Variants in JPH3 observed in about 807,000 individuals in gnomAD.
JPH3 encodes junctophilin 3.
Under a neutral mutation model 59.6 loss-of-function variants are expected in JPH3, and 11 were observed. That is an observed-to-expected ratio of 0.18 (90% CI 0.12 to 0.31). JPH3 has a LOEUF of 0.31. Among genes scored for constraint, JPH3 ranks in the 10% least tolerant of loss-of-function variants. JPH3 has a pLI of 1.00. For missense variants in JPH3, 1,202 were observed against 1,105.7 expected (o/e 1.09, Z -1.24); for synonymous variants, 673 against 483.6 (o/e 1.39, Z -5.14).
intron 1 of JPH3, among the ~76,000 whole-genome samples, chr16:87,612,180 AGT>A (rs1040136560): frequency 6.6e-6 from 1 of 152,036 alleles, no homozygotes; most frequent in Non-Finnish European, 1.5e-5. Flanking sequence ...GGCGTGCAAT[AGT>A]GTGTGATCGT....
chr16:87,688,275 C>G (rs952327513), intron 3 of JPH3, among the ~76,000 whole-genome samples: 1 of 152,208 alleles, frequency 6.6e-6, no homozygotes, highest in Admixed American at 6.5e-5. Flanking sequence ...GCCCCAAGCC[C>G]CAGGCCAGGG....
intron 4 of JPH3, chr16:87,694,273 C>T (rs1044625267): frequency 2.0e-5 from 3 of 152,304 alleles, no homozygotes; most frequent in African/African-American, 4.8e-5. Context: ...TGTTTTGGGC[C>T]ACGTGCTCAA....
intron 2 of JPH3, among the ~76,000 whole-genome samples, chr16:87,669,664 G>T (rs2032964552): frequency 6.6e-6 from 1 of 152,220 alleles, no homozygotes; most frequent in African/African-American, 2.4e-5. Flanking sequence ...GTGGGGTGGA[G>T]GCCGGGACAG....
chr16:87,641,380 G>C (rs1430104687), intron 1 of JPH3, among the ~76,000 whole-genome samples: 1 of 152,204 alleles, frequency 6.6e-6, no homozygotes, highest in African/African-American at 2.4e-5. Flanking sequence ...TTCCGACGTT[G>C]ATGGCAGTGG....
intron 1 of JPH3, among the ~76,000 whole-genome samples, chr16:87,628,133 C>T (rs931432054): frequency 2.6e-5 from 4 of 152,266 alleles, no homozygotes; most frequent in East Asian, 3.8e-4. Flanking sequence ...AGTTCCTGCT[C>T]TCCCAGGCCC....
chr16:87,632,627 T>G (rs2031600215), intron 1 of JPH3, among the ~76,000 whole-genome samples: 1 of 152,180 alleles, frequency 6.6e-6, no homozygotes, highest in Admixed American at 6.5e-5. Flanking sequence ...GTGCAGCGAC[T>G]CACGCCTCTA....
At chr16:87,609,478 G>A (rs1305062946) in intron 1 of JPH3, among the ~76,000 whole-genome samples, 1 of 152,178 alleles carries the variant, frequency 6.6e-6, no homozygotes, top group Non-Finnish European at 1.5e-5. Flanking sequence ...TGTTGGCCAG[G>A]CTGGTCTTGA....
At chr16:87,610,122 T>A (rs1225446426) in intron 1 of JPH3, among the ~76,000 whole-genome samples, 1 of 152,156 alleles carries the variant, frequency 6.6e-6, no homozygotes, top group African/African-American at 2.4e-5. Flanking sequence ...CCTATGAGAA[T>A]CTAATGCTGC....
chr16:87,603,092 T>A lies in JPH3; in HGVS notation c.-55T>A. 6.2e-7 allele frequency: 1 copy of A among 1,611,992 alleles called. No individual in the cohort carries two copies. The highest frequency in any genetic ancestry group is 1.1e-5 in the South Asian group (1 of 90,906). On this transcript the variant is annotated 5_prime_UTR_variant, in exon 1 of 5. Transcript: ENST00000284262. ...CGCCGGCGGCCGCGACTCTGCTGTGTCGATCGCCTGAGTCCGTTTTCACCG... is the reference window on the plus strand; with the variant it reads ...CGCCGGCGGCCGCGACTCTGCTGTGACGATCGCCTGAGTCCGTTTTCACCG...
At chr16:87,677,227 A>ACACACACACACACACACACACACAC (rs1567610816) in intron 2 of JPH3, among the ~76,000 whole-genome samples, 1 of 99,118 alleles carries the variant, frequency 1.0e-5, no homozygotes, top group African/African-American at 4.5e-5. Flanking sequence ...CACACACACA[A>ACACACACACACACACACACACACAC]AAAAAAAAAT....
intron 2 of JPH3, among the ~76,000 whole-genome samples, chr16:87,663,831 C>A (rs781161498): frequency 2.0e-5 from 3 of 152,184 alleles, no homozygotes; most frequent in Admixed American, 6.5e-5. Context: ...GCTGTGCTGC[C>A]GTTTTTATTA....
intron 1 of JPH3, among the ~76,000 whole-genome samples, chr16:87,626,643 G>A (rs2031385179): frequency 6.6e-6 from 1 of 152,250 alleles, no homozygotes; most frequent in Non-Finnish European, 1.5e-5. Flanking sequence ...GCCTGAGGCC[G>A]CCACACTCAG....
rs539140731 is a variant in JPH3, at chr16:87,616,988, G to A, written c.382+13460G>A. Among the ~76,000 whole-genome samples, 10 of 152,302 alleles carry A rather than the reference G, an allele frequency of 6.6e-5. No individual in the cohort carries two copies. In the South Asian group the frequency reaches 2.1e-3, roughly 32 times the overall value. On this transcript the variant is annotated intron_variant, in intron 1 of 4. Coordinates refer to ENST00000284262, the MANE Select transcript of JPH3 (RefSeq NM_020655.4). ...GCCTGTAATCCCAGCACTTTGAGAG[G>A]CCTAGGCGGGTGGGTCACCTGAGGT...
At chr16:87,647,093 C>T (rs1313493059) in intron 2 of JPH3, among the ~76,000 whole-genome samples, 1 of 152,174 alleles carries the variant, frequency 6.6e-6, no homozygotes, top group Admixed American at 6.5e-5. Context: ...GTGGTAACAG[C>T]TCCCTTCCTG....
chr16:87,623,594 A>AT (rs1476761299), intron 1 of JPH3, among the ~76,000 whole-genome samples: 2 of 152,074 alleles, frequency 1.3e-5, no homozygotes, highest in Admixed American at 6.5e-5. Flanking sequence ...AACAACCTCT[A>AT]TTTCCTTCTG....
chr16:87,610,346 T>C (rs1215419218), intron 1 of JPH3, among the ~76,000 whole-genome samples: 1 of 152,132 alleles, frequency 6.6e-6, no homozygotes, highest in Non-Finnish European at 1.5e-5. Context: ...ACAATGTAAA[T>C]CCAGAACATT....
At chr16:87,654,467 C>T (rs1047873472) in intron 2 of JPH3, 9 of 152,224 alleles carry the variant, frequency 5.9e-5, no homozygotes, top group African/African-American at 2.2e-4. Flanking sequence ...TAAAGATGAA[C>T]ACCTCTTTGT....
intron 2 of JPH3, among the ~76,000 whole-genome samples, chr16:87,646,396 G>A (rs1022365260): frequency 6.6e-6 from 1 of 152,184 alleles, no homozygotes; most frequent in African/African-American, 2.4e-5. Flanking sequence ...GTCCAAACTC[G>A]CTGTTTGCCC....
At chr16:87,665,531 C>T (rs2032834253) in intron 2 of JPH3, among the ~76,000 whole-genome samples, 2 of 152,236 alleles carry the variant, frequency 1.3e-5, no homozygotes. Context: ...GGCCCCCCAA[C>T]ATTGTGGGGT....
Sources: gnomAD v4.1 joint callset for allele counts (sites outside exome capture counted in the v4.1 genomes callset) on GRCh38, gnomAD v4.1.1 for gene constraint, MANE v1.5 for transcripts, NCBI Gene and HGNC (gene_info 2026-07-23, HGNC 2026-07-21) for gene names.